Variants in CTNNA1 observed in about 807,000 individuals in gnomAD.
The protein encoded by CTNNA1 is catenin alpha-1.
CTNNA1 carries 37 observed loss-of-function variants against 98.4 expected under a neutral mutation model. That is an observed-to-expected ratio of 0.38 (90% CI 0.29 to 0.49). The LOEUF is 0.49. CTNNA1 is among the 20% of genes least tolerant of loss of function. The probability of loss-of-function intolerance (pLI) is 0.95; values close to 1 mark genes in which losing one functional copy is unlikely to be tolerated. For missense variants in CTNNA1, 761 were observed against 1,147.2 expected (o/e 0.66, Z 4.86); for synonymous variants, 404 against 413.2 (o/e 0.98, Z 0.27).
chr5:138,917,913 C>T lies in CTNNA1; in HGVS notation c.1546+15C>T, dbSNP rs370842419. ...GGCTGTCTCAGGTAATGAGCTGGTT[C>T]CCCAGAGAAGTATGTGAAGATGTTC... is the stretch of plus-strand genomic sequence containing the variant. On this transcript the variant is annotated intron_variant, in intron 11 of 17. Transcript: ENST00000302763. 25 of 1,612,104 alleles carry T rather than the reference C, an allele frequency of 1.6e-5. No homozygotes were observed. The African/African-American group carries it at 2.0e-4, about 13-fold the overall frequency.
chr5:138,820,867 G>T (rs76403295), intron 5 of CTNNA1, among the ~76,000 whole-genome samples: 1 of 152,030 alleles, frequency 6.6e-6, no homozygotes, highest in African/African-American at 2.4e-5. Context: ...ATAACTGGTC[G>T]CATATTAATT....
In CTNNA1 at chr5:138,924,738, C is replaced by T. The variant is rs751293906; in HGVS notation, c.1747+28C>T. The stretch of plus-strand genomic sequence containing the variant: ...ACGGGAACTCTCCCTTTCCAGTGCT[C>T]GCACACACCGCAGCCTCAGTGAGGC... On this transcript the variant is annotated intron_variant, in intron 12 of 17. Coordinates refer to ENST00000302763, the MANE Select transcript of CTNNA1 (RefSeq NM_001903.5). The T allele has an allele frequency of 7.8e-6, 12 of 1,537,028 alleles. No homozygotes were observed. The highest frequency in any genetic ancestry group is 7.3e-5 in the East Asian group (3 of 40,922).
At chr5:138,769,135 C>G (rs1234360124) in intron 1 of CTNNA1, among the ~76,000 whole-genome samples, 3 of 151,984 alleles carry the variant, frequency 2.0e-5, no homozygotes, top group Non-Finnish European at 4.4e-5. Flanking sequence ...TCAAGTGATC[C>G]TCCCGCCTTG....
At chr5:138,900,408 A>C (rs946155599) in intron 9 of CTNNA1, among the ~76,000 whole-genome samples, 1 of 151,992 alleles carries the variant, frequency 6.6e-6, no homozygotes, top group Non-Finnish European at 1.5e-5. Flanking sequence ...ATTTATTATC[A>C]AGAACAAAAA....
At chr5:138,930,416 C>T in intron 14 of CTNNA1, 57 bp from the exon 15 acceptor site, 1 of 1,283,510 alleles carries the variant, frequency 7.8e-7, no homozygotes. Context: ...TTGGCTAATG[C>T]ACTCTGAGAA....
intron 5 of CTNNA1, among the ~76,000 whole-genome samples, chr5:138,823,981 A>AAAAAAAAAAAAAG: frequency 6.7e-6 from 1 of 148,450 alleles, no homozygotes; most frequent in South Asian, 2.1e-4. Context: ...AAAAAAAAAA[A>AAAAAAAAAAAAAG]AAAAATTATG....
chr5:138,862,058 C>G (rs1764335384), intron 7 of CTNNA1, among the ~76,000 whole-genome samples: 1 of 152,104 alleles, frequency 6.6e-6, no homozygotes, highest in Non-Finnish European at 1.5e-5. Context: ...GAATCTGGGT[C>G]ATAAGATCTG....
At chr5:138,853,903 CCTGA>C (rs1215667515) in intron 7 of CTNNA1, among the ~76,000 whole-genome samples, 1 of 152,114 alleles carries the variant, frequency 6.6e-6, no homozygotes, top group African/African-American at 2.4e-5. Flanking sequence ...TAATAAATTG[CCTGA>C]CTTTGAGCTT....
intron 7 of CTNNA1, among the ~76,000 whole-genome samples, chr5:138,859,688 G>A (rs1764082100): frequency 6.6e-6 from 1 of 152,050 alleles, no homozygotes; most frequent in African/African-American, 2.4e-5. Flanking sequence ...CTTTAGGGTC[G>A]CTTGAGCCCA....
At chr5:138,811,011 CG>C (rs1281112947) in intron 4 of CTNNA1, among the ~76,000 whole-genome samples, 2 of 147,266 alleles carry the variant, frequency 1.4e-5, no homozygotes, top group East Asian at 4.1e-4. Flanking sequence ...GCTGGCCTGG[CG>C]GGGGCTGACC....
intron 7 of CTNNA1, among the ~76,000 whole-genome samples, chr5:138,864,927 C>T (rs1029998859): frequency 6.6e-6 from 1 of 152,056 alleles, no homozygotes; most frequent in Non-Finnish European, 1.5e-5. Flanking sequence ...CAGTTCTCTG[C>T]CTCAGCCTCC....
chr5:138,845,563 A>T (rs1445419982), intron 7 of CTNNA1, among the ~76,000 whole-genome samples: 1 of 152,160 alleles, frequency 6.6e-6, no homozygotes, highest in Non-Finnish European at 1.5e-5. Flanking sequence ...CTTTATTTTC[A>T]TTTAATTGTT....
chr5:138,809,118 G>A (rs1758409781), intron 3 of CTNNA1, among the ~76,000 whole-genome samples: 3 of 152,150 alleles, frequency 2.0e-5, no homozygotes, highest in East Asian at 1.9e-4. Flanking sequence ...ACAAAGCGCC[G>A]AGATTGCTGG....
At chr5:138,924,805 G>A in intron 12 of CTNNA1, 95 bp downstream of exon 12, 1 of 1,158,082 alleles carries the variant, frequency 8.6e-7, no homozygotes, top group Admixed American at 2.3e-5. Flanking sequence ...GGAAGGAGGA[G>A]TTGGGAACTC....
At chr5:138,882,553 G>C (rs979761370) in intron 7 of CTNNA1, among the ~76,000 whole-genome samples, 1 of 152,182 alleles carries the variant, frequency 6.6e-6, no homozygotes. Context: ...GTCAGGTTGA[G>C]TAGCTTTTTT....
chr5:138,809,278 CTT>C (rs1262611911), intron 3 of CTNNA1, among the ~76,000 whole-genome samples: 4 of 152,124 alleles, frequency 2.6e-5, no homozygotes, highest in Non-Finnish European at 5.9e-5. Context: ...ATTATAGAAA[CTT>C]TTTATAAGTA....
chr5:138,823,956 CAAAAAAAAAAAAAAAAAA>C (rs369653057), intron 5 of CTNNA1, among the ~76,000 whole-genome samples: 1 of 64,392 alleles, frequency 1.6e-5, no homozygotes, highest in South Asian at 8.1e-4. Context: ...GACTCCGTCT[CAAAAAAAAAAAAAAAAAA>C]AAAAAAAAAA....
At chr5:138,898,848 T>C (rs1363107915) in intron 9 of CTNNA1, among the ~76,000 whole-genome samples, 1 of 152,236 alleles carries the variant, frequency 6.6e-6, no homozygotes, top group Non-Finnish European at 1.5e-5. Flanking sequence ...TCTTAAATTC[T>C]TTTGTGGTTT....
At chr5:138,908,833 ACT>A (rs1333467844) in intron 10 of CTNNA1, among the ~76,000 whole-genome samples, 1 of 150,342 alleles carries the variant, frequency 6.7e-6, no homozygotes, top group Non-Finnish European at 1.5e-5. Flanking sequence ...ACTTTCTCTC[ACT>A]CTTTTCTCTG....
Sources: gnomAD v4.1 joint callset for allele counts (sites outside exome capture counted in the v4.1 genomes callset) on GRCh38, gnomAD v4.1.1 for gene constraint, MANE v1.5 for transcripts, NCBI Gene and HGNC (gene_info 2026-07-23, HGNC 2026-07-21) for gene names.